CAP2: variants seen among roughly 807,000 people sequenced by gnomAD.
CAP2 encodes the protein adenylyl cyclase-associated protein 2.
A neutral mutation model predicts 57.7 loss-of-function variants in CAP2; 24 were observed. The ratio of observed to expected loss-of-function variants is 0.42; its 90% CI spans 0.30 to 0.58. The LOEUF (loss-of-function observed/expected upper bound fraction) is 0.58, where lower values mean the gene tolerates loss of function less well. CAP2 is among the 20% of genes least tolerant of loss of function. CAP2 has a pLI of 0.22. For missense variants in CAP2, 501 were observed against 590.3 expected (o/e 0.85, Z 1.57); for synonymous variants, 194 against 207.2 (o/e 0.94, Z 0.55).
intron 7 of CAP2, among the ~76,000 whole-genome samples, chr6:17,528,912 G>T (rs528662072): frequency 1.3e-5 from 2 of 152,204 alleles, no homozygotes; most frequent in South Asian, 2.1e-4. Context: ...ATTGACAGAA[G>T]TCTCAAAATT....
intron 3 of CAP2, among the ~76,000 whole-genome samples, chr6:17,436,847 C>A (rs1434295752): frequency 1.3e-5 from 2 of 152,140 alleles, no homozygotes; most frequent in African/African-American, 4.8e-5. Context: ...AAAGCTTCAT[C>A]TGTACTTAGA....
At chr6:17,520,571 T>C (rs946495900) in intron 7 of CAP2, among the ~76,000 whole-genome samples, 3 of 152,190 alleles carry the variant, frequency 2.0e-5, no homozygotes, top group African/African-American at 7.2e-5. Context: ...CAAAATGCTT[T>C]AGGATCACTT....
Position 17,551,517 on chromosome 6 carries a change from A to G in CAP2, c.1263A>G (p.Ile421Met). ...ISINKTEGCH[I>M]YLSEDALDCE... Reference sequence around the variant, plus strand: ...TTAATAAGACAGAAGGTTGCCACATATACCTCAGTGAAGATGCATTAGACT... The same window carrying G: ...TTAATAAGACAGAAGGTTGCCACATGTACCTCAGTGAAGATGCATTAGACT... Residue 421 changes from isoleucine to methionine, a missense_variant, in exon 12 of 13, where the codon ATA becomes ATG. By Grantham distance (10) the Ile-to-Met change is conservative (BLOSUM62 1). Transcript: ENST00000229922. The G allele has an allele frequency of 6.2e-7, 1 of 1,611,042 alleles. No homozygotes were observed. The highest frequency in any genetic ancestry group is 1.1e-5 in the South Asian group (1 of 90,830).
chr6:17,444,130 T>G (rs958432083), intron 3 of CAP2, among the ~76,000 whole-genome samples: 3 of 152,226 alleles, frequency 2.0e-5, no homozygotes, highest in Middle Eastern at 3.2e-3. Flanking sequence ...GAGTTGGGGT[T>G]TATTACAAGG....
chr6:17,493,849 C>A (rs1010131434), intron 4 of CAP2, among the ~76,000 whole-genome samples: 2 of 151,770 alleles, frequency 1.3e-5, no homozygotes, highest in African/African-American at 4.8e-5. Flanking sequence ...CCTGGGAACA[C>A]CTGGTTGAGG....
chr6:17,435,733 CA>C (rs1215274639), intron 3 of CAP2, among the ~76,000 whole-genome samples: 87 of 72,176 alleles, frequency 1.2e-3, no homozygotes, highest in South Asian at 1.0e-3. Context: ...AAAAAAAAAA[CA>C]AAAAAAAAAC....
chr6:17,413,211 A>G (rs1272337143), intron 1 of CAP2, among the ~76,000 whole-genome samples: 1 of 152,198 alleles, frequency 6.6e-6, no homozygotes, highest in Non-Finnish European at 1.5e-5. Context: ...CTCCAGTTTC[A>G]TGAAACATTG....
chr6:17,514,041 C>G (rs986157763), intron 7 of CAP2, 87 bp downstream of exon 7: 1 of 853,288 alleles, frequency 1.2e-6, no homozygotes, highest in Non-Finnish European at 2.0e-6. Context: ...CACCTTAAAA[C>G]TTACCTCAAG....
At chr6:17,550,607 G>A (rs372089503) in intron 11 of CAP2, among the ~76,000 whole-genome samples, 1 of 151,690 alleles carries the variant, frequency 6.6e-6, no homozygotes, top group Non-Finnish European at 1.5e-5. Context: ...TGTCTTTATC[G>A]CTTTAATTAC....
chr6:17,424,262 T>C (rs575467351), intron 2 of CAP2, among the ~76,000 whole-genome samples: 194 of 151,944 alleles, frequency 1.3e-3, no homozygotes, highest in African/African-American at 4.4e-3. Context: ...TAGCTGGGCG[T>C]GGTGGCGGGC....
chr6:17,479,311 C>T (rs182686237), intron 4 of CAP2, among the ~76,000 whole-genome samples: 1 of 152,358 alleles, frequency 6.6e-6, no homozygotes, highest in Admixed American at 6.5e-5. Context: ...CACACTGTCT[C>T]TTGAACCAGA....
At chr6:17,434,480 C>T (rs894284261) in intron 3 of CAP2, among the ~76,000 whole-genome samples, 1 of 152,114 alleles carries the variant, frequency 6.6e-6, no homozygotes, top group Non-Finnish European at 1.5e-5. Flanking sequence ...CCACCTGCCT[C>T]GGCCTCCCAA....
chr6:17,504,019 T>C (rs758126672), intron 4 of CAP2, among the ~76,000 whole-genome samples: 3 of 152,244 alleles, frequency 2.0e-5, no homozygotes, highest in Non-Finnish European at 4.4e-5. Context: ...AGCACTTTGC[T>C]TTCTTTCCCT....
Position 17,542,950 on chromosome 6 carries a change from C to T in CAP2, c.1116C>T (p.Ser372=). 1 of 1,613,762 alleles carries T rather than the reference C, an allele frequency of 6.2e-7. No homozygotes were observed. Among genetic ancestry groups the T allele is most frequent in the Admixed American group, 1.7e-5 (1 of 60,006 alleles). The change falls in exon 10 of 13, where the codon TCC becomes TCT. Residue 372 remains serine (S), a synonymous_variant. Coordinates refer to ENST00000229922, the MANE Select transcript of CAP2 (RefSeq NM_006366.3). ...STIQIKGKVN[S]IIIDNCKKLG... ...TTCAGATAAAAGGGAAAGTAAACTC[C>T]ATTATAATTGGTAGGGCAGAATTAT...
chr6:17,421,906 A>G (rs1345552793), intron 2 of CAP2, among the ~76,000 whole-genome samples: 1 of 152,246 alleles, frequency 6.6e-6, no homozygotes, highest in Admixed American at 6.5e-5. Flanking sequence ...TTTTAGAGAC[A>G]GGGTCTCGCT....
intron 3 of CAP2, among the ~76,000 whole-genome samples, chr6:17,434,135 G>T (rs1759811898): frequency 1.3e-5 from 2 of 151,916 alleles, no homozygotes; most frequent in South Asian, 4.2e-4. Context: ...CTTTTTCCTG[G>T]ACAGCAAATA....
At position 17,439,098 on chromosome 6, in the gene CAP2, G is replaced by A. The variant is rs1001921375; in HGVS notation, c.222+12408G>A. Among the ~76,000 whole-genome samples, 5 of 150,866 alleles carry A rather than the reference G, an allele frequency of 3.3e-5. 1 individual carries two copies. The highest frequency in any genetic ancestry group is 1.2e-4 in the African/African-American group (5 of 40,522). On this transcript the variant is annotated intron_variant, in intron 3 of 12. Coordinates refer to ENST00000229922, the MANE Select transcript of CAP2 (RefSeq NM_006366.3). ...TGCACTCCAGCCTGGGCTACAGAGC[G>A]AGACTCTGTCTTAAAAAAATAAAGA...
intron 11 of CAP2, among the ~76,000 whole-genome samples, chr6:17,551,159 G>A (rs1327016086): frequency 6.6e-6 from 1 of 152,190 alleles, no homozygotes; most frequent in African/African-American, 2.4e-5. Context: ...TACTAACAGG[G>A]TTGTGAGGCT....
chr6:17,480,843 C>T (rs1230846707), intron 4 of CAP2, among the ~76,000 whole-genome samples: 1 of 148,978 alleles, frequency 6.7e-6, no homozygotes. Flanking sequence ...GGCACAATCT[C>T]GGCTCACTGC....
Sources: allele counts gnomAD v4.1 joint callset (sites outside exome capture counted in the v4.1 genomes callset), GRCh38; gene constraint gnomAD v4.1.1; transcripts MANE v1.5; gene names NCBI Gene and HGNC (gene_info 2026-07-23, HGNC 2026-07-21).